Variants in CXXC4 observed in about 807,000 individuals in gnomAD.
CXXC4 encodes the protein CXXC finger protein 4.
Under a neutral mutation model 20.5 loss-of-function variants are expected in CXXC4, and 5 were observed. The ratio of observed to expected loss-of-function variants is 0.24; its 90% CI spans 0.13 to 0.51. CXXC4 has a LOEUF of 0.51. Ranked by LOEUF, CXXC4 falls within the 20% of genes least tolerant of loss-of-function variation. The pLI, the probability that CXXC4 is intolerant of heterozygous loss-of-function variation, is 0.97. For synonymous variants in CXXC4, 250 were observed against 216.4 expected (o/e 1.16, Z -1.36); for missense variants, 419 against 496.4 (o/e 0.84, Z 1.48).
At chr4:104,487,895 G>A (rs1445302412) in intron 2 of CXXC4, among the ~76,000 whole-genome samples, 1 of 152,098 alleles carries the variant, frequency 6.6e-6, no homozygotes, top group African/African-American at 2.4e-5. Flanking sequence ...AGTTTTAAAA[G>A]GAACACTAGG....
intron 2 of CXXC4, among the ~76,000 whole-genome samples, chr4:104,478,806 G>A (rs191196541): frequency 2.4e-3 from 362 of 152,030 alleles, no homozygotes; most frequent in Non-Finnish European, 3.9e-3. Flanking sequence ...GAGAGAATGT[G>A]AAAGAAAATT....
chr4:104,468,878 G>A lies in CXXC4; in HGVS notation c.*3444C>T, dbSNP rs1388073577. 1 of 151,916 alleles carries A rather than the reference G, an allele frequency of 6.6e-6. No homozygotes were observed. The highest frequency in any genetic ancestry group is 1.5e-5 in the Non-Finnish European group (1 of 67,966). The allele number at this position is 151,916 out of a possible 1,614,324, so 9.4% of individuals were successfully genotyped here. ...ATTATTTGATTACAGATACTTATCA[G>A]CTTAAAGACTTTATATGCTTTAGCA... On this transcript the variant is annotated 3_prime_UTR_variant, in exon 3 of 3. Coordinates refer to ENST00000394767, the MANE Select transcript of CXXC4 (RefSeq NM_025212.4).
intron 2 of CXXC4, among the ~76,000 whole-genome samples, chr4:104,480,854 C>T (rs1179182231): frequency 6.7e-6 from 1 of 148,380 alleles, no homozygotes; most frequent in African/African-American, 2.6e-5. Flanking sequence ...TCTTCCCTCC[C>T]TCCCTCCCTC....
chr4:104,491,348 A>C lies in CXXC4; in HGVS notation c.455T>G (p.Ile152Ser), dbSNP rs1323080106. 2.6e-6 allele frequency: 4 copies of C among 1,510,484 alleles called. No individual in the cohort carries two copies. Among genetic ancestry groups the C allele is most frequent in the Admixed American group, 2.0e-5 (1 of 48,916 alleles). The allele number at this position is 1,510,484 out of a possible 1,614,324, so 93.6% of individuals were successfully genotyped here. ...ASSSASSSSAILPAGGGGGGG... is the reference protein window; with the variant it reads ...ASSSASSSSASLPAGGGGGGG... ...GCCGCCGCCACCGCCGGCGGGGAGG[A>C]TCGCCGAGGAGGAGGAGGCGGAGGA... Residue 152 changes from isoleucine to serine, a missense_variant, in exon 2 of 3, where the codon ATC (isoleucine) becomes AGC (serine). Physicochemically the swap from Ile to Ser is moderately radical, Grantham distance 142. Coordinates refer to ENST00000394767, the MANE Select transcript of CXXC4 (RefSeq NM_025212.4).
At position 104,491,727 on chromosome 4, in the gene CXXC4, C is replaced by G. The variant is rs1736885710; in HGVS notation, c.76G>C (p.Glu26Gln). The G allele has an allele frequency of 8.4e-6, 13 of 1,544,220 alleles. No individual in the cohort carries two copies. Among genetic ancestry groups the G allele is most frequent in the African/African-American group, 1.4e-5 (1 of 72,426 alleles). The change falls in exon 2 of 3, where the codon GAG (glutamate) becomes CAG (glutamine). Residue 26 changes from glutamate (E) to glutamine (Q), a missense_variant. This residue lies in a region of CXXC4 where 388 missense variants were observed against 416.0 expected (regional missense o/e 0.93). Coordinates refer to ENST00000394767, the MANE Select transcript of CXXC4 (RefSeq NM_025212.4). ...PGLPKESHLP[E>Q]GALNSLVDYN... ...TCCACAAGGCTGTTCAGAGCCCCCTCGGGCAAGTGGCTTTCCTTGGGCAAG... is the reference window on the plus strand; with the variant it reads ...TCCACAAGGCTGTTCAGAGCCCCCTGGGGCAAGTGGCTTTCCTTGGGCAAG...
In CXXC4 at chr4:104,491,142, C is replaced by A; in HGVS notation, c.661G>T (p.Ala221Ser). The stretch of plus-strand genomic sequence containing the variant: ...AGATTCATTATCTCTGCTTCAGCAG[C>A]GCCGCATTTGAGCTTGTTCATGCAT... ...GECMNKLKCG[A>S]AEAEIMNLPE... Residue 221 changes from alanine (A) to serine (S), a missense_variant, in exon 2 of 3, where the codon GCT becomes TCT. By Grantham distance (99) the Ala-to-Ser change is moderately conservative (BLOSUM62 1). Transcript: ENST00000394767. 2.5e-6 allele frequency: 4 copies of A among 1,614,060 alleles called. No homozygotes were observed. Among genetic ancestry groups the A allele is most frequent in the African/African-American group, 1.3e-5 (1 of 75,024 alleles).
intron 1 of CXXC4, among the ~76,000 whole-genome samples, chr4:104,493,286 C>A (rs1207649143): frequency 1.3e-5 from 2 of 152,066 alleles, no homozygotes; most frequent in African/African-American, 4.8e-5. Context: ...ACTTAAAAAA[C>A]CAGTTTCTTT....
Position 104,491,699 on chromosome 4 carries a change from T to C in CXXC4, c.104A>G (p.Tyr35Cys). The C allele has an allele frequency of 6.5e-7, 1 of 1,546,626 alleles. No homozygotes were observed. The change falls in exon 2 of 3, where the codon TAC becomes TGC. Residue 35 changes from tyrosine to cysteine, a missense_variant. Physicochemically the swap from Tyr to Cys is radical, Grantham distance 194. Transcript: ENST00000394767. ...PEGALNSLVD[Y>C]NSEMERYRSF... ...GCGGTAGCGCTCCATTTCCGAGTTG[T>C]AATCCACAAGGCTGTTCAGAGCCCC... is the stretch of plus-strand genomic sequence containing the variant.
chr4:104,475,676 G>C (rs1041669608), intron 2 of CXXC4, among the ~76,000 whole-genome samples: 1 of 152,032 alleles, frequency 6.6e-6, no homozygotes, highest in African/African-American at 2.4e-5. Context: ...CCAATGTGCG[G>C]GATTAAATAC....
rs768756505 is a variant in CXXC4 at position 104,490,706 on chromosome 4, G to C, written c.1059+38C>G. The stretch of plus-strand genomic sequence containing the variant: ...AAGGGGAGAGGGAGTGAGGAGGGAA[G>C]GGGGGAGACTGGGAAACAAGAAATC... On this transcript the variant is annotated intron_variant, in intron 2 of 2. Transcript: ENST00000394767. 2.0e-6 allele frequency: 3 copies of C among 1,535,834 alleles called. No homozygotes were observed. In the East Asian group the frequency reaches 6.7e-5, roughly 35 times the overall value.
chr4:104,475,757 C>T (rs1304850920), intron 2 of CXXC4, among the ~76,000 whole-genome samples: 2 of 152,114 alleles, frequency 1.3e-5, no homozygotes, highest in Non-Finnish European at 2.9e-5. Context: ...GATGAGATTA[C>T]AGTGACTTTC....
At chr4:104,485,628 T>C (rs1736667644) in intron 2 of CXXC4, among the ~76,000 whole-genome samples, 1 of 152,144 alleles carries the variant, frequency 6.6e-6, no homozygotes, top group Non-Finnish European at 1.5e-5. Context: ...TCAAATAGTA[T>C]AATGTTTAAC....
chr4:104,472,391 A>G, intron 2 of CXXC4, 25 bp from the exon 3 acceptor site: 1 of 1,567,310 alleles, frequency 6.4e-7, no homozygotes, highest in Non-Finnish European at 8.7e-7. Flanking sequence ...CAAGAAAACA[A>G]GTTAAGCTTT....
intron 2 of CXXC4, among the ~76,000 whole-genome samples, chr4:104,489,865 T>C (rs991352814): frequency 5.3e-5 from 8 of 152,340 alleles, no homozygotes; most frequent in Admixed American, 2.0e-4. Context: ...GAAACTATTA[T>C]TGACCATATA....
intron 2 of CXXC4, among the ~76,000 whole-genome samples, chr4:104,482,099 C>A (rs1736572031): frequency 6.6e-6 from 1 of 152,166 alleles, no homozygotes; most frequent in Non-Finnish European, 1.5e-5. Context: ...AGAAGTTGAA[C>A]AATGCTTGCT....
intron 2 of CXXC4, among the ~76,000 whole-genome samples, chr4:104,476,794 G>T (rs138696492): frequency 5.8e-4 from 88 of 152,128 alleles, no homozygotes; most frequent in African/African-American, 1.9e-3. Context: ...ACTATTTGGG[G>T]ATACCATTAT....
rs1464427920 is a variant in CXXC4, at chr4:104,468,663, T to C, written c.*3659A>G. On this transcript the variant is annotated 3_prime_UTR_variant, in exon 3 of 3. Transcript: ENST00000394767. ...AATATAGTAGCTGTCTTTTATTCAC[T>C]AGGAATACAGATCTCAGTGTGAAAT... 6.6e-6 allele frequency: 1 copy of C among 150,700 alleles called. No individual in the cohort carries two copies. The highest frequency in any genetic ancestry group is 1.5e-5 in the Non-Finnish European group (1 of 67,760). 9.3% of individuals were successfully genotyped at this position (150,700 alleles called of 1,614,324 possible).
At chr4:104,483,089 A>G (rs916337517) in intron 2 of CXXC4, among the ~76,000 whole-genome samples, 2 of 151,996 alleles carry the variant, frequency 1.3e-5, no homozygotes, top group African/African-American at 2.4e-5. Context: ...ATTCTACCAA[A>G]TGTTTCAAAT....
chr4:104,479,795 CTCCGTCCT>C (rs1244316623), intron 2 of CXXC4, among the ~76,000 whole-genome samples: 1 of 141,350 alleles, frequency 7.1e-6, no homozygotes, highest in Non-Finnish European at 1.5e-5. Context: ...CCCTCTGTTC[CTCCGTCCT>C]TCCGTCCTTC....
Sources: allele counts gnomAD v4.1 joint callset (sites outside exome capture counted in the v4.1 genomes callset), GRCh38; gene constraint gnomAD v4.1.1; regional missense constraint gnomAD v4.1.1; transcripts MANE v1.5; gene names NCBI Gene and HGNC (gene_info 2026-07-23, HGNC 2026-07-21).